The following UNC13B variants were observed in gnomAD, a reference collection of about 807,000 sequenced individuals.
UNC13B encodes protein unc-13 homolog B.
In UNC13B, 144 loss-of-function variants were observed where a neutral mutation model predicts 211.0. The observed-to-expected ratio is 0.68, with a 90% confidence interval of 0.60 to 0.78. The LOEUF is 0.78. Among genes scored for constraint, UNC13B ranks in the 30% least tolerant of loss-of-function variants. The pLI is 0.00. For missense variants in UNC13B, 1,777 were observed against 2,002.0 expected (o/e 0.89, Z 2.14); for synonymous variants, 709 against 725.8 (o/e 0.98, Z 0.37).
intron 11 of UNC13B, among the ~76,000 whole-genome samples, chr9:35,339,384 T>A (rs914473179): frequency 1.1e-4 from 17 of 152,172 alleles, no homozygotes; most frequent in African/African-American, 4.1e-4. Flanking sequence ...GGGGGCTGCA[T>A]TGTTGCCCAT....
intron 1 of UNC13B, among the ~76,000 whole-genome samples, chr9:35,165,073 T>A (rs1820962520): frequency 6.6e-6 from 1 of 152,186 alleles, no homozygotes; most frequent in Non-Finnish European, 1.5e-5. Flanking sequence ...TAATGAAACA[T>A]GTAGGAACCG....
intron 11 of UNC13B, among the ~76,000 whole-genome samples, chr9:35,335,264 TTC>T (rs1418374802): frequency 1.3e-5 from 2 of 152,154 alleles, no homozygotes; most frequent in Non-Finnish European, 2.9e-5. Context: ...TAACATGAGC[TTC>T]TAAAGATGGA....
intron 11 of UNC13B, among the ~76,000 whole-genome samples, chr9:35,349,507 T>G (rs1042376837): frequency 6.6e-6 from 1 of 152,154 alleles, no homozygotes; most frequent in Non-Finnish European, 1.5e-5. Flanking sequence ...GTGCAGGTAG[T>G]GCATCCTCGC....
chr9:35,228,291 A>G (rs188858525), intron 2 of UNC13B, among the ~76,000 whole-genome samples: 1 of 152,200 alleles, frequency 6.6e-6, no homozygotes, highest in Non-Finnish European at 1.5e-5. Flanking sequence ...TTTCTCAGAA[A>G]AAAGTCTGAA....
At chr9:35,208,672 C>T (rs1057128585) in intron 1 of UNC13B, among the ~76,000 whole-genome samples, 2 of 152,138 alleles carry the variant, frequency 1.3e-5, no homozygotes, top group Admixed American at 1.3e-4. Context: ...TCCTCATTCA[C>T]TTGCCATCAC....
In UNC13B at chr9:35,399,424, G is replaced by T. The variant is rs760893265; in HGVS notation, c.12231G>T (p.Glu4077Asp). Reference protein sequence around the residue: ...GTQLIFTAAKELSHLSKLKDH... With the variant: ...GTQLIFTAAKDLSHLSKLKDH... Reference sequence around the variant, plus strand: ...AGCTGATCTTCACTGCTGCCAAGGAGCTGAGCCATCTTTCCAAACTCAAGG... The same window carrying T: ...AGCTGATCTTCACTGCTGCCAAGGATCTGAGCCATCTTTCCAAACTCAAGG... Residue 4077 changes from glutamate to aspartate, a missense_variant, in exon 35 of 40, where the codon GAG (glutamate) becomes GAT (aspartate). Coordinates refer to ENST00000635942, the MANE Select transcript of UNC13B (RefSeq NM_001371189.2). The T allele has an allele frequency of 6.2e-7, 1 of 1,614,158 alleles. No homozygotes were observed. Among genetic ancestry groups the T allele is most frequent in the South Asian group, 1.1e-5 (1 of 91,082 alleles).
intron 1 of UNC13B, among the ~76,000 whole-genome samples, chr9:35,171,464 T>A (rs1316056652): frequency 6.6e-6 from 1 of 152,194 alleles, no homozygotes; most frequent in East Asian, 1.9e-4. Flanking sequence ...TGCAGTGATG[T>A]GATCATAGCT....
At chr9:35,280,228 G>A (rs1390996046) in intron 7 of UNC13B, among the ~76,000 whole-genome samples, 2 of 152,126 alleles carry the variant, frequency 1.3e-5, no homozygotes, top group African/African-American at 2.4e-5. Context: ...GATGAGTTTC[G>A]AGATGACTTT....
In UNC13B at chr9:35,306,614, G is replaced by T; in HGVS notation, c.7210G>T (p.Asp2404Tyr). Reference sequence around the variant, plus strand: ...CCACCAAAATGAGAAATTTACTACTGACCCAGTGAACTTGCCATTAGAAAA... The same window carrying T: ...CCACCAAAATGAGAAATTTACTACTTACCCAGTGAACTTGCCATTAGAAAA... Reference protein sequence around the residue: ...NCHQNEKFTTDPVNLPLEKAP... With the variant: ...NCHQNEKFTTYPVNLPLEKAP... Residue 2404 changes from aspartate (D) to tyrosine (Y), a missense_variant, in exon 9 of 40, where the codon GAC becomes TAC. Asp to Tyr is a radical substitution (Grantham distance 160, BLOSUM62 -3). Transcript: ENST00000635942. 2.5e-6 allele frequency: 1 copy of T among 398,910 alleles called. No individual in the cohort carries two copies. The highest frequency in any genetic ancestry group is 1.3e-4 in the South Asian group (1 of 7,798). The allele number at this position is 398,910 out of a possible 1,614,324, so 24.7% of individuals were successfully genotyped here.
chr9:35,176,139 A>G (rs1183190445), intron 1 of UNC13B, among the ~76,000 whole-genome samples: 1 of 152,016 alleles, frequency 6.6e-6, no homozygotes, highest in Non-Finnish European at 1.5e-5. Flanking sequence ...GAAGGGAGAG[A>G]TGATAACTGA....
intron 11 of UNC13B, chr9:35,353,363 C>G: frequency 8.1e-7 from 1 of 1,232,214 alleles, no homozygotes. Context: ...TCCTGAGGAC[C>G]TGGAAAGCAA....
chr9:35,242,352 A>AGT (rs1185300062), intron 5 of UNC13B, among the ~76,000 whole-genome samples: 1 of 152,156 alleles, frequency 6.6e-6, no homozygotes, highest in African/African-American at 2.4e-5. Flanking sequence ...ACAGTTCACT[A>AGT]GTGTTAAGTA....
In UNC13B at chr9:35,243,340, C is replaced by T; in HGVS notation, c.444C>T (p.Ile148=). ...ARYWTYKWEQ[I]NALGADNEYS... is the part of the protein sequence containing the mutation. The stretch of plus-strand genomic sequence containing the variant: ...ATTGGACCTACAAATGGGAGCAAAT[C>T]AATGCCTTGGGAGCTGACAATGAGG... Residue 148 remains isoleucine, a synonymous_variant, in exon 6 of 40, where the codon ATC becomes ATT. Transcript: ENST00000635942. 6.2e-7 allele frequency: 1 copy of T among 1,613,480 alleles called. No homozygotes were observed. Among genetic ancestry groups the T allele is most frequent in the South Asian group, 1.1e-5 (1 of 91,048 alleles).
At chr9:35,342,222 C>A (rs925071497) in intron 11 of UNC13B, 22 of 985,564 alleles carry the variant, frequency 2.2e-5, no homozygotes, top group South Asian at 4.7e-5. Context: ...CTCTGTCAAA[C>A]CAAGGAGTGC....
At chr9:35,274,372 C>A (rs921874155) in intron 7 of UNC13B, among the ~76,000 whole-genome samples, 4 of 152,142 alleles carry the variant, frequency 2.6e-5, no homozygotes, top group African/African-American at 9.7e-5. Flanking sequence ...CACACCCAGT[C>A]AAGAATTTGC....
At chr9:35,175,861 ATAT>A (rs1564046342) in intron 1 of UNC13B, among the ~76,000 whole-genome samples, 1 of 114,356 alleles carries the variant, frequency 8.7e-6, no homozygotes, top group African/African-American at 3.5e-5. Context: ...TACTAAAAAT[ATAT>A]AAAAAAAAAA....
At chr9:35,247,484 G>A (rs1426342239) in intron 6 of UNC13B, among the ~76,000 whole-genome samples, 1 of 152,128 alleles carries the variant, frequency 6.6e-6, no homozygotes, top group Non-Finnish European at 1.5e-5. Flanking sequence ...GATATTGGCT[G>A]TGGGTTTGTC....
At chr9:35,163,494 A>G (rs1347271665) in intron 1 of UNC13B, among the ~76,000 whole-genome samples, 1 of 152,156 alleles carries the variant, frequency 6.6e-6, no homozygotes, top group Non-Finnish European at 1.5e-5. Context: ...TTGATTTTTC[A>G]TTAATGAGAA....
intron 11 of UNC13B, among the ~76,000 whole-genome samples, chr9:35,336,809 C>T (rs1475059829): frequency 6.6e-6 from 1 of 152,178 alleles, no homozygotes; most frequent in East Asian, 1.9e-4. Flanking sequence ...CACAGACGTT[C>T]AGGCAATTCA....
Sources: allele counts gnomAD v4.1 joint callset (sites outside exome capture counted in the v4.1 genomes callset), GRCh38; gene constraint gnomAD v4.1.1; transcripts MANE v1.5; gene names NCBI Gene and HGNC (gene_info 2026-07-23, HGNC 2026-07-21).